RBM33: variants seen among roughly 807,000 people sequenced by gnomAD.
RBM33 encodes the protein RNA binding motif protein 33, also known as RNA-binding protein 33.
Under a neutral mutation model 132.6 loss-of-function variants are expected in RBM33, and 28 were observed. The observed-to-expected ratio is 0.21, with a 90% CI of 0.16 to 0.29. The LOEUF (loss-of-function observed/expected upper bound fraction) is 0.29. Ranked by LOEUF, RBM33 falls within the 10% of genes least tolerant of loss-of-function variation. The pLI is 1.00. For missense variants in RBM33, 1,291 were observed against 1,518.5 expected, an observed-to-expected ratio of 0.85 and a Z score of 2.49; for synonymous variants, 634 against 593.0, an observed-to-expected ratio of 1.07 and a Z score of -1.01.
chr7:155,712,962 G>A (rs755364300), intron 8 of RBM33, among the ~76,000 whole-genome samples: 2 of 152,196 alleles, frequency 1.3e-5, no homozygotes, highest in African/African-American at 2.4e-5. Flanking sequence ...GGTGGAAGCT[G>A]GTGTCTAGCT....
Position 155,738,118 on chromosome 7 carries a change from A to C in RBM33, c.1452A>C (p.Pro484=), listed in dbSNP as rs1585509729. The C allele has an allele frequency of 6.2e-7, 1 of 1,613,664 alleles. No homozygotes were observed. The highest frequency in any genetic ancestry group is 1.1e-5 in the South Asian group (1 of 91,056). ...HLFLEQRSPP[P]PPPPPTLLNS... ...TTCTGGAACAGCGAAGTCCCCCTCC[A>C]CCACCACCGCCTCCTACCCTTCTTA... The change falls in exon 11 of 18, where the codon CCA becomes CCC. Residue 484 remains proline, a synonymous_variant. Transcript: ENST00000401878.
rs139664771 is a variant in RBM33 at position 155,745,529 on chromosome 7, A to G, written c.2906A>G (p.His969Arg). The change falls in exon 14 of 18, where the codon CAC becomes CGC. Residue 969 changes from histidine to arginine, a missense_variant. Physicochemically the swap from His to Arg is conservative, Grantham distance 29 (BLOSUM62 0). Transcript: ENST00000401878. The surrounding 1 kb of genome is among the most constrained non-coding windows in gnomAD (Gnocchi z 4.1). ...CCTGGCGTGAAAAGGACTGTCACGC[A>G]CAGGACAAACAGTGGTGGTGGAGAC... ...TKPGVKRTVT[H>R]RTNSGGGDGP... 9.1e-4 allele frequency: 1,473 copies of G among 1,612,360 alleles called. 3 individuals are homozygous for G. The highest frequency in any genetic ancestry group is 1.1e-3 in the Non-Finnish European group (1,339 of 1,179,296).
At chr7:155,741,231 C>G (rs1179121015) in intron 12 of RBM33, among the ~76,000 whole-genome samples, 1 of 151,968 alleles carries the variant, frequency 6.6e-6, no homozygotes, top group East Asian at 1.9e-4. Flanking sequence ...CCCCTCCCCC[C>G]TTCCAGCTCT....
intron 2 of RBM33, among the ~76,000 whole-genome samples, chr7:155,671,202 G>A (rs1798934274): frequency 6.6e-6 from 1 of 152,212 alleles, no homozygotes; most frequent in Non-Finnish European, 1.5e-5. Flanking sequence ...AGGGTAGTTG[G>A]AACACTGAAG....
intron 2 of RBM33, among the ~76,000 whole-genome samples, chr7:155,667,886 T>G (rs1025369770): frequency 2.0e-5 from 3 of 152,212 alleles, no homozygotes; most frequent in Admixed American, 1.3e-4. Context: ...AATAGACTAG[T>G]ACAGTGAACC....
intron 13 of RBM33, among the ~76,000 whole-genome samples, chr7:155,744,655 T>G (rs1436579618): frequency 1.3e-5 from 2 of 152,252 alleles, no homozygotes; most frequent in Non-Finnish European, 2.9e-5. Context: ...CATTCCTGTT[T>G]GAAACATATT....
At chr7:155,709,043 A>G (rs570083796) in intron 7 of RBM33, among the ~76,000 whole-genome samples, 5 of 152,014 alleles carry the variant, frequency 3.3e-5, no homozygotes, top group Non-Finnish European at 7.4e-5. Context: ...TGGGCATCAC[A>G]CGGTCTCTTT....
At chr7:155,658,690 C>T (rs750992144) in intron 1 of RBM33, among the ~76,000 whole-genome samples, 7 of 152,202 alleles carry the variant, frequency 4.6e-5, no homozygotes, top group Non-Finnish European at 8.8e-5. Context: ...TGAGCCACCG[C>T]GCCCGGCTGC....
At chr7:155,716,316 G>GTTT (rs59289310) in intron 8 of RBM33, among the ~76,000 whole-genome samples, 78 of 102,376 alleles carry the variant, frequency 7.6e-4, no homozygotes, top group Non-Finnish European at 1.0e-3. Context: ...CTTTTCTGCT[G>GTTT]TTTTTTTTTT....
chr7:155,665,554 C>A (rs144592487), intron 2 of RBM33, among the ~76,000 whole-genome samples: 3,297 of 152,326 alleles, frequency 0.022, 67 homozygotes, highest in Non-Finnish European at 0.032. Context: ...ACTGGAGTGG[C>A]CTTGTGCCAG....
At chr7:155,678,793 A>T in intron 4 of RBM33, 109 bp downstream of exon 4, 1 of 624,182 alleles carries the variant, frequency 1.6e-6, no homozygotes, top group Non-Finnish European at 2.8e-6. Context: ...TTATATCTTT[A>T]ACACATGATT....
chr7:155,646,704 G>A (rs1272322454), intron 1 of RBM33, among the ~76,000 whole-genome samples: 1 of 152,132 alleles, frequency 6.6e-6, no homozygotes, highest in Non-Finnish European at 1.5e-5. Flanking sequence ...TGCCTCTCTT[G>A]TCTTCATTCT....
chr7:155,732,958 G>C lies in RBM33; in HGVS notation c.1261-4572G>C, dbSNP rs533363964. ...TTCGTGTTCCAGCCTTCAGGAGCCT[G>C]GCCACAGGGGTAGAGGAGTCAGAGG... On this transcript the variant is annotated intron_variant, in intron 9 of 17. Transcript: ENST00000401878. 2.7e-4 allele frequency among the ~76,000 whole-genome samples: 41 copies of C among 152,318 alleles called. 1 individual carries two copies. The highest frequency in any genetic ancestry group is 3.4e-3 in the Middle Eastern group (1 of 294).
chr7:155,754,298 G>A (rs1215411914), intron 14 of RBM33, among the ~76,000 whole-genome samples: 17 of 152,174 alleles, frequency 1.1e-4, no homozygotes, highest in Admixed American at 1.1e-3. Context: ...AATGTCTTAG[G>A]TAACTTCCCT....
intron 9 of RBM33, among the ~76,000 whole-genome samples, chr7:155,734,334 C>A (rs1467371023): frequency 6.6e-6 from 1 of 152,200 alleles, no homozygotes; most frequent in Non-Finnish European, 1.5e-5. Context: ...CAAACTCTTA[C>A]CTAGGTGGTT....
chr7:155,663,237 T>G (rs1387336164), intron 1 of RBM33, among the ~76,000 whole-genome samples: 3 of 151,316 alleles, frequency 2.0e-5, no homozygotes, highest in African/African-American at 4.9e-5. Flanking sequence ...ACTTGTTCTG[T>G]TTGGTAATTG....
intron 2 of RBM33, among the ~76,000 whole-genome samples, chr7:155,665,770 A>G (rs925990491): frequency 1.3e-5 from 2 of 152,194 alleles, no homozygotes; most frequent in African/African-American, 4.8e-5. Flanking sequence ...GTGATGATAG[A>G]TGGTAGTTTG....
chr7:155,692,934 T>C (rs1015037013), intron 5 of RBM33, among the ~76,000 whole-genome samples: 12 of 152,310 alleles, frequency 7.9e-5, no homozygotes, highest in African/African-American at 1.2e-4. Context: ...AACCTTAAAG[T>C]GTAATGCAGT....
chr7:155,706,998 G>T lies in RBM33; in HGVS notation c.878G>T (p.Arg293Ile). ...LMCRGVGDQRRESTERGRMKD... is the reference protein window; with the variant it reads ...LMCRGVGDQRIESTERGRMKD... ...TGTCGTGGTGTGGGGGACCAGAGGA[G>T]AGAGAGCACCGAGAGGGGCAGGATG... Residue 293 changes from arginine (R) to isoleucine (I), a missense_variant, in exon 7 of 18, where the codon AGA becomes ATA. Physicochemically the swap from Arg to Ile is moderately conservative, Grantham distance 97 (BLOSUM62 -3). This residue lies in a region of RBM33 where 146 missense variants were observed against 137.1 expected (regional missense o/e 1.07). Coordinates refer to ENST00000401878, the MANE Select transcript of RBM33 (RefSeq NM_053043.3). 1 of 1,589,626 alleles carries T rather than the reference G, an allele frequency of 6.3e-7. No homozygotes were observed. The highest frequency in any genetic ancestry group is 2.3e-5 in the East Asian group (1 of 44,028).
Sources: gnomAD v4.1 joint callset for allele counts (sites outside exome capture counted in the v4.1 genomes callset) on GRCh38, gnomAD v4.1.1 for gene constraint, gnomAD v4.1.1 regional missense constraint, Gnocchi (gnomAD v3.1) non-coding constraint, MANE v1.5 for transcripts, NCBI Gene and HGNC (gene_info 2026-07-23, HGNC 2026-07-21) for gene names.